TP63: variants seen among roughly 807,000 people sequenced by gnomAD.
The protein encoded by TP63 is tumor protein 63.
A neutral mutation model predicts 82.8 loss-of-function variants in TP63; 17 were observed. That is an observed-to-expected ratio of 0.21 (90% CI 0.14 to 0.31). The LOEUF is 0.31. Among genes scored for constraint, TP63 ranks in the 10% least tolerant of loss-of-function variants. The pLI, the probability that TP63 is intolerant of heterozygous loss-of-function variation, is 1.00. For missense variants in TP63, 648 were observed against 895.3 expected (o/e 0.72, Z 3.52); for synonymous variants, 330 against 321.7 (o/e 1.03, Z -0.28).
At chr3:189,799,849 T>C (rs1171312007) in intron 3 of TP63, among the ~76,000 whole-genome samples, 2 of 152,174 alleles carry the variant, frequency 1.3e-5, no homozygotes, top group East Asian at 3.9e-4. Flanking sequence ...AAAGAGATAC[T>C]TTCTGCAAGT....
chr3:189,675,914 C>T (rs1468589799), intron 1 of TP63, among the ~76,000 whole-genome samples: 1 of 152,080 alleles, frequency 6.6e-6, no homozygotes, highest in African/African-American at 2.4e-5. Flanking sequence ...TGTGCTCCCA[C>T]AAGTCCTTTT....
At chr3:189,882,719 T>G (rs1720059326) in intron 10 of TP63, among the ~76,000 whole-genome samples, 1 of 152,194 alleles carries the variant, frequency 6.6e-6, no homozygotes, top group South Asian at 2.1e-4. Context: ...GGAATTTTGA[T>G]ATTCTACCAC....
chr3:189,839,873 C>A (rs1047264552), intron 4 of TP63, among the ~76,000 whole-genome samples: 1 of 152,088 alleles, frequency 6.6e-6, no homozygotes, highest in Non-Finnish European at 1.5e-5. Flanking sequence ...CTTTTTCAGC[C>A]CTGTACAGGG....
intron 1 of TP63, among the ~76,000 whole-genome samples, chr3:189,714,456 C>T (rs1718811415): frequency 6.6e-6 from 1 of 151,988 alleles, no homozygotes; most frequent in South Asian, 2.1e-4. Context: ...TACCGAAAAA[C>T]AAATCTTGTT....
intron 9 of TP63, among the ~76,000 whole-genome samples, chr3:189,872,005 G>T (rs1024522276): frequency 6.6e-6 from 1 of 152,056 alleles, no homozygotes; most frequent in East Asian, 1.9e-4. Context: ...ACCATGTCTG[G>T]CCCCTGCTCA....
intron 4 of TP63, among the ~76,000 whole-genome samples, chr3:189,811,341 T>G (rs1442919097): frequency 6.6e-6 from 1 of 152,244 alleles, no homozygotes; most frequent in Non-Finnish European, 1.5e-5. Flanking sequence ...GGTTAAGTGA[T>G]TTTGCTTCTC....
intron 3 of TP63, among the ~76,000 whole-genome samples, chr3:189,807,312 G>A (rs13063446): frequency 0.053 from 8,096 of 152,270 alleles, 306 homozygotes; most frequent in Admixed American, 0.12. Flanking sequence ...TTGTGTTAGC[G>A]GATGCTAGGG....
At chr3:189,736,992 A>G (rs1398783154) in intron 1 of TP63, among the ~76,000 whole-genome samples, 1 of 152,186 alleles carries the variant, frequency 6.6e-6, no homozygotes, top group Non-Finnish European at 1.5e-5. Flanking sequence ...CTCCAAATAT[A>G]TAGGAATAAA....
chr3:189,701,697 G>T (rs1193333670), intron 1 of TP63, among the ~76,000 whole-genome samples: 1 of 151,748 alleles, frequency 6.6e-6, no homozygotes, highest in Non-Finnish European at 1.5e-5. Flanking sequence ...AATGCAAAGA[G>T]GCCTAGAGTT....
chr3:189,796,774 T>C (rs375064060), intron 3 of TP63, among the ~76,000 whole-genome samples: 1 of 152,206 alleles, frequency 6.6e-6, no homozygotes. Flanking sequence ...ATAGCACCTA[T>C]ACTATTCAAA....
At chr3:189,754,669 C>T (rs1722055703) in intron 3 of TP63, among the ~76,000 whole-genome samples, 1 of 152,104 alleles carries the variant, frequency 6.6e-6, no homozygotes, top group African/African-American at 2.4e-5. Flanking sequence ...GTGTCTTGGT[C>T]TCCTAGACTT....
At chr3:189,775,151 C>T (rs1350139827) in intron 3 of TP63, among the ~76,000 whole-genome samples, 3 of 134,408 alleles carry the variant, frequency 2.2e-5, no homozygotes, top group African/African-American at 2.8e-5. Context: ...ACCTGGGAGG[C>T]GGAGGTTGTG....
chr3:189,763,138 G>A (rs548846320), intron 3 of TP63, among the ~76,000 whole-genome samples: 49 of 152,096 alleles, frequency 3.2e-4, no homozygotes, highest in Non-Finnish European at 6.2e-4. Context: ...TCTGGGCATG[G>A]TGGTGCATGC....
At chr3:189,699,177 A>G (rs1560118739) in intron 1 of TP63, among the ~76,000 whole-genome samples, 1 of 151,610 alleles carries the variant, frequency 6.6e-6, no homozygotes, top group East Asian at 1.9e-4. Flanking sequence ...TTACTGCCTC[A>G]TTTTAACACT....
At chr3:189,656,123 G>A (rs973438498) in intron 1 of TP63, among the ~76,000 whole-genome samples, 2 of 152,104 alleles carry the variant, frequency 1.3e-5, no homozygotes, top group Admixed American at 6.6e-5. Context: ...TAATTGGCCT[G>A]AAAGAAAACT....
chr3:189,721,315 G>A (rs1040419987), intron 1 of TP63, among the ~76,000 whole-genome samples: 1 of 152,152 alleles, frequency 6.6e-6, no homozygotes, highest in African/African-American at 2.4e-5. Context: ...GAATAATAAA[G>A]TAGGAAGGAT....
intron 4 of TP63, among the ~76,000 whole-genome samples, chr3:189,816,887 G>C (rs1372764174): frequency 1.3e-5 from 2 of 152,066 alleles, no homozygotes; most frequent in Non-Finnish European, 2.9e-5. Flanking sequence ...AAATTTGATA[G>C]TAGTCAGAGA....
intron 1 of TP63, among the ~76,000 whole-genome samples, chr3:189,719,546 A>G (rs1277289302): frequency 1.3e-5 from 2 of 152,174 alleles, no homozygotes; most frequent in Non-Finnish European, 2.9e-5. Context: ...AGTCTAGTCC[A>G]GCAAAGTTTT....
chr3:189,890,182 G>T (rs902736646), intron 12 of TP63, among the ~76,000 whole-genome samples: 26 of 152,132 alleles, frequency 1.7e-4, no homozygotes, highest in African/African-American at 6.3e-4. Context: ...TGATTTTCCT[G>T]CTACGTCAAT....
Sources: allele counts gnomAD v4.1 joint callset (sites outside exome capture counted in the v4.1 genomes callset), GRCh38; gene constraint gnomAD v4.1.1; transcripts MANE v1.5; gene names NCBI Gene and HGNC (gene_info 2026-07-23, HGNC 2026-07-21).